Variants in DOCK1 observed in about 807,000 individuals in gnomAD.
DOCK1 encodes dedicator of cytokinesis 1.
In DOCK1, 138 loss-of-function variants were observed where a neutral mutation model predicts 262.7. That is an observed-to-expected ratio of 0.53 (90% CI 0.46 to 0.61). The LOEUF is 0.61. Among genes scored for constraint, DOCK1 ranks in the 20% least tolerant of loss-of-function variants. The pLI, the probability that DOCK1 is intolerant of heterozygous loss-of-function variation, is 0.00. For missense variants in DOCK1, 1,908 were observed against 2,370.7 expected (o/e 0.80, Z 4.05); for synonymous variants, 866 against 867.4 (o/e 1.00, Z 0.03).
intron 29 of DOCK1, among the ~76,000 whole-genome samples, chr10:127,262,119 T>G (rs1368719974): frequency 1.3e-5 from 2 of 148,544 alleles, no homozygotes; most frequent in African/African-American, 2.5e-5. Flanking sequence ...CATGTGGGTG[T>G]GTGTGTGTGT....
chr10:127,052,855 C>T (rs1167965595), intron 22 of DOCK1, 40 bp downstream of exon 22: 1 of 1,577,296 alleles, frequency 6.3e-7, no homozygotes. Flanking sequence ...TCTCAGAGGA[C>T]TGGCAGGAGA....
intron 7 of DOCK1, among the ~76,000 whole-genome samples, chr10:126,997,385 A>T (rs2040279864): frequency 6.6e-6 from 1 of 152,146 alleles, no homozygotes; most frequent in Non-Finnish European, 1.5e-5. Context: ...CTGTATAGGA[A>T]GGATAGTGGC....
intron 22 of DOCK1, among the ~76,000 whole-genome samples, chr10:127,057,291 G>T (rs2045225930): frequency 6.6e-6 from 1 of 152,178 alleles, no homozygotes; most frequent in Admixed American, 6.5e-5. Flanking sequence ...CCTTTTTGCA[G>T]CTGGGATAAA....
intron 4 of DOCK1, 26 bp downstream of exon 4, chr10:126,981,999 G>T (rs1403478751): frequency 3.7e-6 from 6 of 1,610,442 alleles, no homozygotes; most frequent in Non-Finnish European, 5.1e-6. Context: ...ATGTTTAAAT[G>T]AAGAATTGCA....
Position 127,120,807 on chromosome 10 carries a change from G to T in DOCK1, c.2624-4667G>T, listed in dbSNP as rs146646128. ...ATTTCACATGCTCAGAAGTTTCCAT[G>T]TTGGGTATCACAGCTCTGAGGTATT... On this transcript the variant is annotated intron_variant, in intron 25 of 51. Transcript: ENST00000623213. Among the ~76,000 whole-genome samples, 291 of 152,262 alleles carry T rather than the reference G, an allele frequency of 1.9e-3. 1 individual carries two copies. The highest frequency in any genetic ancestry group is 6.5e-3 in the African/African-American group (271 of 41,534).
chr10:127,313,734 TG>T (rs1411067518), intron 29 of DOCK1, among the ~76,000 whole-genome samples: 2 of 152,098 alleles, frequency 1.3e-5, no homozygotes, highest in Admixed American at 1.3e-4. Flanking sequence ...GGTTTCCCTT[TG>T]GAGGTGCTTT....
At chr10:127,127,294 C>T (rs1228878197) in intron 26 of DOCK1, among the ~76,000 whole-genome samples, 1 of 152,192 alleles carries the variant, frequency 6.6e-6, no homozygotes, top group Non-Finnish European at 1.5e-5. Context: ...ATTTGACGTG[C>T]AGAACCATCT....
At chr10:127,422,668 A>C (rs2068586829) in intron 46 of DOCK1, among the ~76,000 whole-genome samples, 1 of 152,200 alleles carries the variant, frequency 6.6e-6, no homozygotes, top group Non-Finnish European at 1.5e-5. Flanking sequence ...GCTTCTTTGT[A>C]TGGATTGTAA....
chr10:127,339,145 C>T lies in DOCK1; in HGVS notation c.3123+61C>T, dbSNP rs538822579. Reference sequence around the variant, plus strand: ...ATCATGTTAAAACAAATTGCTGGTCCGAGCCAGTATCTTACAGTATTTCTA... The same window carrying T: ...ATCATGTTAAAACAAATTGCTGGTCTGAGCCAGTATCTTACAGTATTTCTA... On this transcript the variant is annotated intron_variant, in intron 30 of 51. Coordinates refer to ENST00000623213, the MANE Select transcript of DOCK1 (RefSeq NM_001290223.2). 1.7e-5 allele frequency: 23 copies of T among 1,380,376 alleles called. 1 individual carries two copies. The highest frequency in any genetic ancestry group is 1.8e-4 in the Middle Eastern group (1 of 5,696). The allele number at this position is 1,380,376 out of a possible 1,614,324, so 85.5% of individuals were successfully genotyped here. A position where few individuals can be genotyped will look rare whatever the true frequency, so the allele number is the denominator to read the frequency against.
intron 27 of DOCK1, among the ~76,000 whole-genome samples, chr10:127,141,477 C>T (rs1052855404): frequency 6.3e-4 from 96 of 151,982 alleles, no homozygotes; most frequent in Non-Finnish European, 2.6e-4. Context: ...CCGAGGTGGG[C>T]GGATCACTTG....
At chr10:127,212,094 T>A (rs2058006507) in intron 27 of DOCK1, among the ~76,000 whole-genome samples, 1 of 152,216 alleles carries the variant, frequency 6.6e-6, no homozygotes, top group South Asian at 2.1e-4. Context: ...CAAGTGGGTG[T>A]GTCATTCCAG....
intron 47 of DOCK1, among the ~76,000 whole-genome samples, chr10:127,430,535 G>A (rs958333870): frequency 6.6e-6 from 1 of 152,122 alleles, no homozygotes; most frequent in Non-Finnish European, 1.5e-5. Context: ...TGTGGCCTCT[G>A]AGGGCCGGCC....
intron 2 of DOCK1, among the ~76,000 whole-genome samples, chr10:126,972,356 G>A (rs61875502): frequency 0.15 from 22,402 of 152,138 alleles, 2,108 homozygotes; most frequent in South Asian, 0.27. Flanking sequence ...TTATGCTGTG[G>A]TTATTGTTGC....
chr10:127,049,902 T>C lies in DOCK1; in HGVS notation c.2202-2779T>C, dbSNP rs539473697. On this transcript the variant is annotated intron_variant, in intron 21 of 51. Transcript: ENST00000623213. ...GAGAGAATATAAAATACAGAACAGA[T>C]TCACAATAGACCTTCGATTTTGTAA... 6.0e-5 allele frequency among the ~76,000 whole-genome samples: 9 copies of C among 151,006 alleles called. No homozygotes were observed. In the South Asian group the frequency reaches 1.7e-3, roughly 28 times the overall value.
chr10:126,941,356 A>C (rs1286851075), intron 1 of DOCK1, among the ~76,000 whole-genome samples: 1 of 152,152 alleles, frequency 6.6e-6, no homozygotes, highest in Admixed American at 6.6e-5. Flanking sequence ...CATTACCTAA[A>C]TTCTGATGAA....
chr10:127,364,206 A>G (rs933933467), intron 33 of DOCK1, among the ~76,000 whole-genome samples: 4 of 152,142 alleles, frequency 2.6e-5, no homozygotes, highest in Non-Finnish European at 5.9e-5. Flanking sequence ...GAAGCCGGGG[A>G]GGAGCACACA....
At chr10:127,019,780 C>A (rs2042283139) in intron 13 of DOCK1, among the ~76,000 whole-genome samples, 1 of 152,132 alleles carries the variant, frequency 6.6e-6, no homozygotes, top group Admixed American at 6.5e-5. Context: ...ACGTGAGGCT[C>A]TTGGAAGCCC....
In DOCK1 at chr10:127,418,350, C is replaced by T; in HGVS notation, c.4516-15C>T. On this transcript the variant is annotated splice_polypyrimidine_tract_variant and intron_variant, in intron 44 of 51. Transcript: ENST00000623213. ...AGCTGTGGGGCTGACATCGGGCTCT[C>T]CTCTCTCTTTGCAGGTGGAAATCAG... The T allele has an allele frequency of 1.9e-6, 3 of 1,601,522 alleles. No individual in the cohort carries two copies. Among genetic ancestry groups the T allele is most frequent in the Non-Finnish European group, 1.7e-6 (2 of 1,173,414 alleles).
chr10:127,029,763 CT>C (rs1221993179), intron 16 of DOCK1, among the ~76,000 whole-genome samples: 1 of 152,176 alleles, frequency 6.6e-6, no homozygotes, highest in Non-Finnish European at 1.5e-5. Flanking sequence ...AAAAGGTGCA[CT>C]TACTGTACTA....
Sources: gnomAD v4.1 joint callset for allele counts (sites outside exome capture counted in the v4.1 genomes callset) on GRCh38, gnomAD v4.1.1 for gene constraint, MANE v1.5 for transcripts, NCBI Gene and HGNC (gene_info 2026-07-23, HGNC 2026-07-21) for gene names.